The following REEP3 variants were observed in gnomAD, a reference collection of about 807,000 sequenced individuals.
The protein encoded by REEP3 is receptor accessory protein 3.
A neutral mutation model predicts 41.3 loss-of-function variants in REEP3; 20 were observed. The observed-to-expected ratio is 0.48, with a 90% CI of 0.34 to 0.70. The LOEUF is 0.70. Ranked by LOEUF, REEP3 falls within the 30% of genes least tolerant of loss-of-function variation. The pLI is 0.01. For synonymous variants in REEP3, 104 were observed against 101.8 expected (o/e 1.02, Z -0.13); for missense variants, 271 against 308.8 (o/e 0.88, Z 0.92).
intron 1 of REEP3, chr10:63,562,968 G>A (rs1237882981): frequency 1.5e-5 from 7 of 456,406 alleles, no homozygotes; most frequent in Admixed American, 1.2e-4. Context: ...TCTTTAGAGA[G>A]GGCCTTAATC....
intron 2 of REEP3, among the ~76,000 whole-genome samples, chr10:63,594,366 G>A (rs779279870): frequency 1.3e-5 from 2 of 151,996 alleles, no homozygotes; most frequent in South Asian, 2.1e-4. Flanking sequence ...GCACTTCAGC[G>A]TACCCTGTCT....
intron 2 of REEP3, among the ~76,000 whole-genome samples, chr10:63,576,611 T>C (rs1483612447): frequency 6.6e-6 from 1 of 152,204 alleles, no homozygotes; most frequent in Non-Finnish European, 1.5e-5. Flanking sequence ...TTCTGAGGGA[T>C]TGGGGTTTAG....
intron 6 of REEP3, among the ~76,000 whole-genome samples, chr10:63,618,277 GCT>G (rs2133437464): frequency 9.2e-6 from 1 of 108,190 alleles, no homozygotes; most frequent in East Asian, 2.8e-4. Context: ...ATGGAGTCTC[GCT>G]CTGTCACCCA....
intron 5 of REEP3, among the ~76,000 whole-genome samples, chr10:63,606,369 T>TGTC (rs1956229290): frequency 6.6e-6 from 1 of 151,656 alleles, no homozygotes; most frequent in Non-Finnish European, 1.5e-5. Flanking sequence ...TTTCTTTGTC[T>TGTC]TTCTTTCTTT....
rs1042712157 is a variant in REEP3, at chr10:63,620,908, A to C, written c.*39A>C. The C allele has an allele frequency of 7.8e-6, 10 of 1,281,012 alleles. No individual in the cohort carries two copies. The African/African-American group carries it at 1.5e-4, about 19-fold the overall frequency. The allele number at this position is 1,281,012 out of a possible 1,614,324, so 79.4% of individuals were successfully genotyped here. A position where few individuals can be genotyped will look rare whatever the true frequency, so the allele number is the denominator to read the frequency against. On this transcript the variant is annotated 3_prime_UTR_variant, in exon 8 of 8. Coordinates refer to ENST00000373758, the MANE Select transcript of REEP3 (RefSeq NM_001001330.3). ...AAATATCCCAAGACAGATTATGCTA[A>C]ATACATCGACTTCATCTTCTAACAT...
chr10:63,596,721 T>A (rs1278697972), intron 3 of REEP3, among the ~76,000 whole-genome samples: 1 of 152,228 alleles, frequency 6.6e-6, no homozygotes, highest in Non-Finnish European at 1.5e-5. Flanking sequence ...TTGCTCAAGC[T>A]ACATGAGGGC....
intron 2 of REEP3, among the ~76,000 whole-genome samples, chr10:63,593,153 T>C (rs1956081080): frequency 6.6e-6 from 1 of 152,264 alleles, no homozygotes; most frequent in Non-Finnish European, 1.5e-5. Flanking sequence ...GGGTTGTTCA[T>C]GTAAATAGAC....
intron 1 of REEP3, among the ~76,000 whole-genome samples, chr10:63,558,048 G>A (rs901037863): frequency 2.0e-5 from 3 of 152,096 alleles, no homozygotes; most frequent in Admixed American, 1.3e-4. Context: ...AAATAGTGCC[G>A]TATTTCTCTA....
At chr10:63,603,128 A>C (rs1302737410) in intron 5 of REEP3, among the ~76,000 whole-genome samples, 1 of 151,660 alleles carries the variant, frequency 6.6e-6, no homozygotes, top group Non-Finnish European at 1.5e-5. Context: ...CCTGGCTAAC[A>C]CAGTGAAACC....
chr10:63,600,194 T>G lies in REEP3; in HGVS notation c.417+911T>G, dbSNP rs796948063. Among the ~76,000 whole-genome samples the G allele has an allele frequency of 7.9e-5, 12 of 152,322 alleles. 1 individual carries two copies. Among genetic ancestry groups the G allele is most frequent in the African/African-American group, 2.6e-4 (11 of 41,592 alleles). ...TAAAACAACTCTATGGAAATAAATATTCCAGTTGAGTGGTGATTTTATATA... is the reference window on the plus strand; with the variant it reads ...TAAAACAACTCTATGGAAATAAATAGTCCAGTTGAGTGGTGATTTTATATA... On this transcript the variant is annotated intron_variant, in intron 5 of 7. Transcript: ENST00000373758.
intron 5 of REEP3, among the ~76,000 whole-genome samples, chr10:63,605,845 A>T (rs1342401774): frequency 1.3e-5 from 2 of 152,116 alleles, no homozygotes; most frequent in Non-Finnish European, 2.9e-5. Context: ...TCAGCTGAAG[A>T]ATCCCTTCCA....
intron 4 of REEP3, among the ~76,000 whole-genome samples, chr10:63,598,783 C>CAA (rs557044785): frequency 0.016 from 1,926 of 117,256 alleles, 33 homozygotes; most frequent in Non-Finnish European, 0.022. Flanking sequence ...GACTCCATCT[C>CAA]AAAAAAAAAA....
At chr10:63,541,080 A>G (rs1025579014) in intron 1 of REEP3, among the ~76,000 whole-genome samples, 1 of 152,234 alleles carries the variant, frequency 6.6e-6, no homozygotes, top group African/African-American at 2.4e-5. Context: ...AATATGAATC[A>G]TCTCTACTAA....
At chr10:63,610,599 G>A (rs564832493) in intron 6 of REEP3, among the ~76,000 whole-genome samples, 58 of 151,854 alleles carry the variant, frequency 3.8e-4, no homozygotes, top group African/African-American at 1.0e-3. Flanking sequence ...ATATATACAC[G>A]TATATATATG....
At chr10:63,588,546 A>G (rs1459693559) in intron 2 of REEP3, among the ~76,000 whole-genome samples, 1 of 152,198 alleles carries the variant, frequency 6.6e-6, no homozygotes, top group African/African-American at 2.4e-5. Context: ...AAAGGAACAC[A>G]TTAAGCTATG....
At chr10:63,556,003 C>T (rs12412012) in intron 1 of REEP3, among the ~76,000 whole-genome samples, 18,511 of 152,092 alleles carry the variant, frequency 0.12, 1,401 homozygotes, top group East Asian at 0.28. Flanking sequence ...GCATTTATCT[C>T]TTTATTTATG....
chr10:63,601,960 A>T (rs1956175584), intron 5 of REEP3, among the ~76,000 whole-genome samples: 1 of 151,852 alleles, frequency 6.6e-6, no homozygotes, highest in African/African-American at 2.4e-5. Flanking sequence ...TAAATAATAA[A>T]AAATAAAAGC....
intron 5 of REEP3, among the ~76,000 whole-genome samples, chr10:63,609,927 TATG>T (rs1182820172): frequency 6.6e-6 from 1 of 152,174 alleles, no homozygotes; most frequent in Non-Finnish European, 1.5e-5. Context: ...TAAAATTAAA[TATG>T]ATGCTGAAAT....
intron 2 of REEP3, among the ~76,000 whole-genome samples, chr10:63,587,377 C>T (rs867689885): frequency 1.6e-4 from 24 of 152,174 alleles, no homozygotes; most frequent in African/African-American, 4.1e-4. Context: ...GGGCATTAGC[C>T]CTGCCACAGA....
Sources: gnomAD v4.1 joint callset for allele counts (sites outside exome capture counted in the v4.1 genomes callset) on GRCh38, gnomAD v4.1.1 for gene constraint, MANE v1.5 for transcripts, NCBI Gene and HGNC (gene_info 2026-07-23, HGNC 2026-07-21) for gene names.